Variants in DENND4C observed in about 807,000 individuals in gnomAD.
DENND4C encodes DENN domain containing 4C.
DENND4C carries 108 observed loss-of-function variants against 203.0 expected under a neutral mutation model. The observed-to-expected ratio is 0.53, with a 90% CI of 0.46 to 0.62. The LOEUF (loss-of-function observed/expected upper bound fraction) is 0.62, where lower values mean the gene tolerates loss of function less well. Among genes scored for constraint, DENND4C ranks in the 20% least tolerant of loss-of-function variants. DENND4C has a pLI of 0.00. For synonymous variants in DENND4C, 871 were observed against 792.4 expected, an observed-to-expected ratio of 1.10 and a Z score of -1.67; for missense variants, 2,481 against 2,301.2, an observed-to-expected ratio of 1.08 and a Z score of -1.60.
chr9:19,368,583 G>A (rs1024243298), intron 30 of DENND4C, among the ~76,000 whole-genome samples: 26 of 152,108 alleles, frequency 1.7e-4, no homozygotes, highest in African/African-American at 5.8e-4. Context: ...GATCACTTGG[G>A]ACCAGGAGTT....
chr9:19,285,200 T>C (rs1428309805), intron 2 of DENND4C, among the ~76,000 whole-genome samples: 1 of 152,174 alleles, frequency 6.6e-6, no homozygotes, highest in African/African-American at 2.4e-5. Flanking sequence ...TTTTCTTCTG[T>C]TTCATTGTCT....
intron 21 of DENND4C, 58 bp from the exon 22 acceptor site, chr9:19,342,575 G>A: frequency 6.7e-7 from 1 of 1,497,408 alleles, no homozygotes; most frequent in Non-Finnish European, 8.9e-7. Context: ...GTCAATATAT[G>A]GTTTCTGTTT....
Position 19,336,743 on chromosome 9 carries a change from A to T in DENND4C, c.2792A>T (p.Asp931Val). 6.4e-7 allele frequency: 1 copy of T among 1,551,032 alleles called. No individual in the cohort carries two copies. The part of the protein sequence containing the change: ...DGDTVSHGSV[D>V]SSNDANNGEH... ...GACACGGTGAGCCACGGTAGTGTGG[A>T]TAGTTCTAATGATGCTAACAATGGG... is the stretch of plus-strand genomic sequence containing the variant. Residue 931 changes from aspartate to valine, a missense_variant, in exon 20 of 33, where the codon GAT (aspartate) becomes GTT (valine). Around this residue, in one of 3 missense-constraint regions of DENND4C, gnomAD observed 2,289 missense variants for 2,113.3 expected, o/e 1.08. Transcript: ENST00000434457.
At chr9:19,258,601 T>C (rs1229974233) in intron 1 of DENND4C, among the ~76,000 whole-genome samples, 1 of 152,156 alleles carries the variant, frequency 6.6e-6, no homozygotes, top group African/African-American at 2.4e-5. Flanking sequence ...ATGATCTCAG[T>C]AGATGCAGAA....
intron 10 of DENND4C, among the ~76,000 whole-genome samples, chr9:19,306,588 G>C (rs1189252692): frequency 6.6e-6 from 1 of 151,936 alleles, no homozygotes; most frequent in Non-Finnish European, 1.5e-5. Context: ...ATGATTATTT[G>C]TGAAGTTAAT....
chr9:19,372,344 A>G lies in DENND4C; in HGVS notation c.*171A>G, dbSNP rs1828990388. 2 of 803,876 alleles carry G rather than the reference A, an allele frequency of 2.5e-6. No individual in the cohort carries two copies. The highest frequency in any genetic ancestry group is 3.7e-6 in the Non-Finnish European group (2 of 540,286). The allele number at this position is 803,876 out of a possible 1,614,324, so 49.8% of individuals were successfully genotyped here. A position where few individuals can be genotyped will look rare whatever the true frequency, so the allele number is the denominator to read the frequency against. ...CATATTGCATTACCTTGAAATATGA[A>G]GTGCCATTTGAATGTCCCAGGGCTT... On this transcript the variant is annotated 3_prime_UTR_variant, in exon 33 of 33. Transcript: ENST00000434457.
Position 19,305,534 on chromosome 9 carries a change from T to C in DENND4C, c.1487+7T>C. 6.2e-7 allele frequency: 1 copy of C among 1,606,500 alleles called. No homozygotes were observed. ...ATACGAACATGTTATATGTGTAAGT[T>C]GATTCATTTTATATTATCTCCCATT... On this transcript the variant is annotated splice_region_variant and intron_variant, in intron 10 of 32. Transcript: ENST00000434457.
At chr9:19,237,520 T>A (rs1165939907) in intron 1 of DENND4C, among the ~76,000 whole-genome samples, 1 of 151,970 alleles carries the variant, frequency 6.6e-6, no homozygotes, top group East Asian at 1.9e-4. Flanking sequence ...CCTGGCTAAT[T>A]TTGTGTGTGT....
chr9:19,343,967 G>C (rs2031967), intron 22 of DENND4C, among the ~76,000 whole-genome samples: 2 of 152,144 alleles, frequency 1.3e-5, no homozygotes, highest in Non-Finnish European at 2.9e-5. Flanking sequence ...CAAATATTGG[G>C]ACCAGCTTTC....
At chr9:19,269,612 A>G (rs140473359) in intron 1 of DENND4C, among the ~76,000 whole-genome samples, 46 of 152,266 alleles carry the variant, frequency 3.0e-4, no homozygotes, top group African/African-American at 7.7e-4. Context: ...AATTATTTCA[A>G]TCTCTTTTTA....
In DENND4C at chr9:19,356,967, T is replaced by C. The variant is rs760607591; in HGVS notation, c.4782-5T>C. ...GGCTCTTTTTCCCCCCTTTTCCTTATGTAGCTTTTTCCTGAAACCAAGTAC... is the reference window on the plus strand; with the variant it reads ...GGCTCTTTTTCCCCCCTTTTCCTTACGTAGCTTTTTCCTGAAACCAAGTAC... On this transcript the variant is annotated splice_polypyrimidine_tract_variant and splice_region_variant and intron_variant, in intron 26 of 32. Transcript: ENST00000434457. 2 of 1,613,122 alleles carry C rather than the reference T, an allele frequency of 1.2e-6. No individual in the cohort carries two copies. Among genetic ancestry groups the C allele is most frequent in the East Asian group, 2.2e-5 (1 of 44,852 alleles).
chr9:19,309,079 G>A (rs1840250346), intron 10 of DENND4C, among the ~76,000 whole-genome samples: 1 of 152,162 alleles, frequency 6.6e-6, no homozygotes, highest in Non-Finnish European at 1.5e-5. Context: ...TGGGAGTATT[G>A]GAAGCTAAGT....
intron 12 of DENND4C, among the ~76,000 whole-genome samples, chr9:19,320,123 G>A (rs1842634582): frequency 6.6e-6 from 1 of 151,948 alleles, no homozygotes; most frequent in African/African-American, 2.4e-5. Context: ...GTAAAAAATA[G>A]GGGGAAAATA....
rs12004587 is a variant in DENND4C at position 19,255,363 on chromosome 9, C to G, written c.-17-20795C>G. ...GAGGCTGAAGTGAGCTATGATTGTG[C>G]CACTGCATTCCAGCCTGGGCAACAG... On this transcript the variant is annotated intron_variant, in intron 1 of 32. Coordinates refer to ENST00000434457, the MANE Select transcript of DENND4C (RefSeq NM_001330640.2). Among the ~76,000 whole-genome samples the G allele has an allele frequency of 5.1e-3, 779 of 151,914 alleles. 7 individuals carry two copies. The highest frequency in any genetic ancestry group is 0.018 in the African/African-American group (738 of 41,432).
intron 27 of DENND4C, 136 bp from the exon 28 acceptor site, chr9:19,357,829 A>T: frequency 1.4e-6 from 1 of 707,846 alleles, no homozygotes; most frequent in Non-Finnish European, 2.2e-6. Context: ...AGGAAATGCA[A>T]TTCTTACAAG....
At chr9:19,300,961 C>T (rs1173020420) in intron 9 of DENND4C, among the ~76,000 whole-genome samples, 1 of 152,128 alleles carries the variant, frequency 6.6e-6, no homozygotes, top group African/African-American at 2.4e-5. Flanking sequence ...AGGCGGATCA[C>T]CTGAGGTCAG....
At chr9:19,256,536 AGCTCCCAACCTCAGGTGATCT>A (rs1444061615) in intron 1 of DENND4C, among the ~76,000 whole-genome samples, 23 of 151,524 alleles carry the variant, frequency 1.5e-4, no homozygotes, top group African/African-American at 5.3e-4. Context: ...GCTGGTCACG[AGCTCCCAACCTCAGGTGATCT>A]GCCCGCCTCA....
Position 19,316,759 on chromosome 9 carries a change from G to A in DENND4C, c.1727G>A (p.Gly576Glu). 1 of 1,614,052 alleles carries A rather than the reference G, an allele frequency of 6.2e-7. No individual in the cohort carries two copies. Among genetic ancestry groups the A allele is most frequent in the Middle Eastern group, 1.7e-4 (1 of 6,060 alleles). The change falls in exon 12 of 33, where the codon GGA becomes GAA. Residue 576 changes from glycine (G) to glutamate (E), a missense_variant. By Grantham distance (98) the Gly-to-Glu change is moderately conservative. Transcript: ENST00000434457. The stretch of plus-strand genomic sequence containing the variant: ...CGCTTTATGGCGTCTATTTTAAAAG[G>A]ATATAGAACATATCTCAGACCAATC... ...FLRFMASILK[G>E]YRTYLRPITE...
chr9:19,361,695 C>A, intron 29 of DENND4C, 151 bp from the exon 30 acceptor site: 1 of 486,332 alleles, frequency 2.1e-6, no homozygotes, highest in South Asian at 2.8e-5. Context: ...TAACATTTGT[C>A]ATCAGACATT....
Sources: allele counts gnomAD v4.1 joint callset (sites outside exome capture counted in the v4.1 genomes callset), GRCh38; gene constraint gnomAD v4.1.1; regional missense constraint gnomAD v4.1.1; transcripts MANE v1.5; gene names NCBI Gene and HGNC (gene_info 2026-07-23, HGNC 2026-07-21).